The following ANKRD13D variants were observed in gnomAD, a reference collection of about 807,000 sequenced individuals.
ANKRD13D encodes ankyrin repeat domain-containing protein 13D.
Under a neutral mutation model 68.8 loss-of-function variants are expected in ANKRD13D, and 24 were observed. The ratio of observed to expected loss-of-function variants is 0.35; its 90% CI spans 0.25 to 0.49. The LOEUF (loss-of-function observed/expected upper bound fraction) is 0.49, where lower values mean the gene tolerates loss of function less well. ANKRD13D is among the 20% of genes least tolerant of loss of function. ANKRD13D has a pLI of 0.99. For missense variants in ANKRD13D, 735 were observed against 832.1 expected (o/e 0.88, Z 1.44); for synonymous variants, 331 against 336.1 (o/e 0.98, Z 0.16).
intron 6 of ANKRD13D, among the ~76,000 whole-genome samples, chr11:67,296,476 C>T (rs1412872679): frequency 6.6e-6 from 1 of 152,064 alleles, no homozygotes; most frequent in Non-Finnish European, 1.5e-5. Flanking sequence ...GTTTGTGTCT[C>T]ACTAGGAATT....
In ANKRD13D at chr11:67,302,406, C is replaced by G; in HGVS notation, c.*74C>G. Reference sequence around the variant, plus strand: ...AATTTATTTATTTATAAACTCTCTGCTGCTGAGCTTGGGGCCTGGAGCCCC... The same window carrying G: ...AATTTATTTATTTATAAACTCTCTGGTGCTGAGCTTGGGGCCTGGAGCCCC... On this transcript the variant is annotated 3_prime_UTR_variant, in exon 15 of 15. Transcript: ENST00000511455. 1 of 1,438,046 alleles carries G rather than the reference C, an allele frequency of 7.0e-7. No homozygotes were observed. The highest frequency in any genetic ancestry group is 9.2e-7 in the Non-Finnish European group (1 of 1,091,034). 89.1% of individuals were successfully genotyped at this position (1,438,046 alleles called of 1,614,324 possible). A position where few individuals can be genotyped will look rare whatever the true frequency, so the allele number is the denominator to read the frequency against.
chr11:67,289,949 C>G (rs1260787576), intron 1 of ANKRD13D, 129 bp from the exon 2 acceptor site: 1 of 1,447,672 alleles, frequency 6.9e-7, no homozygotes, highest in African/African-American at 1.4e-5. Context: ...CGCAGGCCAC[C>G]CTCTGCCATC....
At chr11:67,290,788 G>A (rs2136518912) in intron 3 of ANKRD13D, 1 of 253,242 alleles carries the variant, frequency 3.9e-6, no homozygotes, top group East Asian at 9.1e-5. Context: ...AGCACACGGA[G>A]GGGCCTGGCT....
Position 67,290,073 on chromosome 11 carries a change from C to A in ANKRD13D, c.91-5C>A. The stretch of plus-strand genomic sequence containing the variant: ...TGCCCTTTGTGAGTGTCCCGTCTCC[C>A]CCAGCACGACATTGAACAGGAGGAC... On this transcript the variant is annotated splice_region_variant and splice_polypyrimidine_tract_variant and intron_variant, in intron 1 of 14. Coordinates refer to ENST00000511455, the MANE Select transcript of ANKRD13D (RefSeq NM_207354.3). 1 of 1,536,614 alleles carries A rather than the reference C, an allele frequency of 6.5e-7. No homozygotes were observed. The highest frequency in any genetic ancestry group is 8.7e-7 in the Non-Finnish European group (1 of 1,146,552).
At chr11:67,290,503 A>T in intron 3 of ANKRD13D, 57 bp downstream of exon 3, 1 of 1,512,712 alleles carries the variant, frequency 6.6e-7, no homozygotes, top group Non-Finnish European at 8.9e-7. Flanking sequence ...CACCCTGGTT[A>T]CTGTGCCAGG....
chr11:67,292,893 A>G (rs1860629820), intron 6 of ANKRD13D, among the ~76,000 whole-genome samples: 1 of 152,190 alleles, frequency 6.6e-6, no homozygotes, highest in Non-Finnish European at 1.5e-5. Context: ...GAGTTCTCAT[A>G]TGAATGGAAT....
At chr11:67,297,249 G>A (rs984626254) in intron 6 of ANKRD13D, among the ~76,000 whole-genome samples, 7 of 152,032 alleles carry the variant, frequency 4.6e-5, no homozygotes, top group East Asian at 1.9e-4. Context: ...TCACTCCATC[G>A]CCCAGGCTGG....
rs751402979 is a variant in ANKRD13D at position 67,302,192 on chromosome 11, C to T, written c.1678C>T (p.Pro560Ser). The change falls in exon 15 of 15, where the codon CCC (proline) becomes TCC (serine). Residue 560 changes from proline to serine, a missense_variant. Physicochemically the swap from Pro to Ser is moderately conservative, Grantham distance 74. Transcript: ENST00000511455. ...PGSPPRTPPAPGPPSFEEQLR... is the reference protein window; with the variant it reads ...PGSPPRTPPASGPPSFEEQLR... Reference sequence around the variant, plus strand: ...ATCCCCTCCCAGGACACCCCCAGCCCCCGGTCCACCCAGCTTTGAAGAGCA... The same window carrying T: ...ATCCCCTCCCAGGACACCCCCAGCCTCCGGTCCACCCAGCTTTGAAGAGCA... The T allele has an allele frequency of 2.5e-6, 4 of 1,592,562 alleles. No homozygotes were observed. Among genetic ancestry groups the T allele is most frequent in the Non-Finnish European group, 2.6e-6 (3 of 1,170,190 alleles).
At chr11:67,291,294 GT>G (rs1381804685) in intron 3 of ANKRD13D, 181 bp from the exon 4 acceptor site, 17 of 644,228 alleles carry the variant, frequency 2.6e-5, no homozygotes, top group African/African-American at 3.7e-5. Context: ...GGAGGCAGAG[GT>G]TGCAGTGAGC....
Position 67,301,921 on chromosome 11 carries a change from C to G in ANKRD13D, c.1604+98C>G. The G allele has an allele frequency of 7.2e-7, 1 of 1,386,256 alleles. No homozygotes were observed. The highest frequency in any genetic ancestry group is 2.5e-5 in the Admixed American group (1 of 39,562). 85.9% of individuals were successfully genotyped at this position (1,386,256 alleles called of 1,614,324 possible). On this transcript the variant is annotated intron_variant, in intron 14 of 14. Coordinates refer to ENST00000511455, the MANE Select transcript of ANKRD13D (RefSeq NM_207354.3). The surrounding 1 kb of genome is among the most constrained non-coding windows in gnomAD (Gnocchi z 4.5). ...AGGTGCTAGGACCCCAGGCCCTCTG[C>G]AAGGCCACCCTCTGTCAGCAGCGCT...
chr11:67,299,111 G>A lies in ANKRD13D; in HGVS notation c.785G>A (p.Gly262Asp). 6.2e-7 allele frequency: 1 copy of A among 1,613,196 alleles called. No homozygotes were observed. The highest frequency in any genetic ancestry group is 8.5e-7 in the Non-Finnish European group (1 of 1,179,626). Residue 262 changes from glycine to aspartate, a missense_variant, in exon 7 of 15, where the codon GGC becomes GAC. Physicochemically the swap from Gly to Asp is moderately conservative, Grantham distance 94. Transcript: ENST00000511455. The surrounding 1 kb of genome is among the most constrained non-coding windows in gnomAD (Gnocchi z 6.2). The stretch of plus-strand genomic sequence containing the variant: ...TCTGAGAAGATGGAAACTGTTAGCG[G>A]CTACGAGGCCAAGGCAGGAGAGGCT... Reference protein sequence around the residue: ...WRSEKMETVSGYEAKVYSATN... With the variant: ...WRSEKMETVSDYEAKVYSATN...
Position 67,299,001 on chromosome 11 carries a change from G to C in ANKRD13D, c.732-57G>C. 6.3e-7 allele frequency: 1 copy of C among 1,591,758 alleles called. No individual in the cohort carries two copies. The highest frequency in any genetic ancestry group is 1.3e-5 in the African/African-American group (1 of 74,596). Reference sequence around the variant, plus strand: ...GCTGGAGGGGGCTTTGGAAAGGAAGGCTTTGGCCAGCGTGTGAGGGTGCAG... The same window carrying C: ...GCTGGAGGGGGCTTTGGAAAGGAAGCCTTTGGCCAGCGTGTGAGGGTGCAG... On this transcript the variant is annotated intron_variant, in intron 6 of 14. Transcript: ENST00000511455. This position sits in a 1 kb window ranked among gnomAD's most constrained non-coding sequence, Gnocchi z 6.2.
chr11:67,291,967 C>G, intron 5 of ANKRD13D, 24 bp from the exon 6 acceptor site: 1 of 1,555,754 alleles, frequency 6.4e-7, no homozygotes, highest in South Asian at 1.2e-5. Context: ...TGCGCCCCCT[C>G]TGTCCACCCC....
chr11:67,296,574 C>T (rs1406348603), intron 6 of ANKRD13D, among the ~76,000 whole-genome samples: 1 of 152,098 alleles, frequency 6.6e-6, no homozygotes, highest in Non-Finnish European at 1.5e-5. Context: ...TTGCTCCCCT[C>T]TTTCATTTCT....
rs545035700 is a variant in ANKRD13D, at chr11:67,295,622, G to A, written c.732-3436G>A. Among the ~76,000 whole-genome samples, 6 of 152,196 alleles carry A rather than the reference G, an allele frequency of 3.9e-5. No individual in the cohort carries two copies. The East Asian group carries it at 1.2e-3, about 29-fold the overall frequency. ...ATGGTGGTGGGCACCTGTAGTCCCA[G>A]CTGCTTGGGAGACTGAGGCACAAGA... On this transcript the variant is annotated intron_variant, in intron 6 of 14. Coordinates refer to ENST00000511455, the MANE Select transcript of ANKRD13D (RefSeq NM_207354.3).
At chr11:67,291,559 G>A in intron 4 of ANKRD13D, 38 bp downstream of exon 4, 1 of 1,613,728 alleles carries the variant, frequency 6.2e-7, no homozygotes, top group Non-Finnish European at 8.5e-7. Flanking sequence ...GATTTGGGGT[G>A]GGGCCTTTGG....
At position 67,289,374 on chromosome 11, in the gene ANKRD13D, A is replaced by G; in HGVS notation, c.-87A>G. On this transcript the variant is annotated 5_prime_UTR_variant, in exon 1 of 15. Transcript: ENST00000511455. ...CTGCTGCGGGGGCCGCGGGGGGCGC[A>G]GCTGGGGCGCGGCTCGGAGGGGAGG... The G allele has an allele frequency of 1.0e-6, 1 of 1,004,744 alleles. No individual in the cohort carries two copies. The highest frequency in any genetic ancestry group is 1.3e-6 in the Non-Finnish European group (1 of 799,286). 62.2% of individuals were successfully genotyped at this position (1,004,744 alleles called of 1,614,324 possible).
chr11:67,298,222 C>T (rs61180657), intron 6 of ANKRD13D: 3,581 of 152,172 alleles, frequency 0.024, 57 homozygotes, highest in East Asian at 0.047. Flanking sequence ...CCACCGTGCC[C>T]GGCTAATTTT....
chr11:67,292,049 A>G lies in ANKRD13D; in HGVS notation c.600A>G (p.Thr200=), dbSNP rs2136521522. The G allele has an allele frequency of 6.2e-7, 1 of 1,606,070 alleles. No individual in the cohort carries two copies. The highest frequency in any genetic ancestry group is 8.5e-7 in the Non-Finnish European group (1 of 1,174,372). The part of the protein sequence containing the change: ...DHDRQVVHVE[T]LGLTLQEPET... ...ACCGGCAGGTGGTGCATGTGGAGAC[A>G]CTGGGGCTCACTCTGCAGGAGCCCG... Residue 200 remains threonine (T), a synonymous_variant, in exon 6 of 15, where the codon ACA becomes ACG. Transcript: ENST00000511455.
Sources: gnomAD v4.1 joint callset for allele counts (sites outside exome capture counted in the v4.1 genomes callset) on GRCh38, gnomAD v4.1.1 for gene constraint, Gnocchi (gnomAD v3.1) non-coding constraint, MANE v1.5 for transcripts, NCBI Gene and HGNC (gene_info 2026-07-23, HGNC 2026-07-21) for gene names.